MTMR14: variants seen among roughly 807,000 people sequenced by gnomAD.
MTMR14 encodes the protein phosphatidylinositol-3,5-bisphosphate 3-phosphatase MTMR14.
In MTMR14, 48 loss-of-function variants were observed where a neutral mutation model predicts 86.3. The ratio of observed to expected loss-of-function variants is 0.56; its 90% CI spans 0.44 to 0.71. MTMR14 has a LOEUF of 0.71. Ranked by LOEUF, MTMR14 falls within the 30% of genes least tolerant of loss-of-function variation. The pLI, the probability that MTMR14 is intolerant of heterozygous loss-of-function variation, is 0.00. For synonymous variants in MTMR14, 366 were observed against 326.1 expected, an observed-to-expected ratio of 1.12 and a Z score of -1.32; for missense variants, 780 against 834.6, an observed-to-expected ratio of 0.93 and a Z score of 0.81.
chr3:9,689,123 G>T, intron 16 of MTMR14, 41 bp downstream of exon 16: 2 of 1,602,362 alleles, frequency 1.2e-6, no homozygotes, highest in Non-Finnish European at 8.5e-7. Flanking sequence ...CACAGCTGTG[G>T]CCCGGGGCCA....
At chr3:9,697,146 C>G (rs1447950112) in intron 17 of MTMR14, among the ~76,000 whole-genome samples, 1 of 152,206 alleles carries the variant, frequency 6.6e-6, no homozygotes, top group Non-Finnish European at 1.5e-5. Flanking sequence ...ACTATGGCAC[C>G]TGGAAGGCAC....
At position 9,653,760 on chromosome 3, in the gene MTMR14, A is replaced by G; in HGVS notation, c.299A>G (p.Glu100Gly). 6.2e-7 allele frequency: 1 copy of G among 1,614,168 alleles called. No individual in the cohort carries two copies. The highest frequency in any genetic ancestry group is 8.5e-7 in the Non-Finnish European group (1 of 1,180,042). ...VFLEYESSEK[E>G]KDTFESTVQV... ...CTGGAGTATGAGAGTTCTGAGAAGGAGAAAGACACGTGAGCATCATGTGAC... is the reference window on the plus strand; with the variant it reads ...CTGGAGTATGAGAGTTCTGAGAAGGGGAAAGACACGTGAGCATCATGTGAC... The change falls in exon 2 of 19, where the codon GAG becomes GGG. Residue 100 changes from glutamate to glycine, a missense_variant. Transcript: ENST00000296003.
Position 9,701,800 on chromosome 3 carries a change from C to T in MTMR14, c.1780C>T (p.Leu594=), listed in dbSNP as rs1203929126. 6.2e-7 allele frequency: 1 copy of T among 1,613,816 alleles called. No homozygotes were observed. The highest frequency in any genetic ancestry group is 2.2e-5 in the East Asian group (1 of 44,884). Residue 594 remains leucine, a synonymous_variant, in exon 19 of 19, where the codon CTG becomes TTG. Coordinates refer to ENST00000296003, the MANE Select transcript of MTMR14 (RefSeq NM_001077525.3). This position sits in a 1 kb window ranked among gnomAD's most constrained non-coding sequence, Gnocchi z 4.2. The stretch of plus-strand genomic sequence containing the variant: ...TTGACCTCCCCATAGGCTTGCAGCC[C>T]TGAGTGATCGAGAGACTCGGCTGCA... ...ELPNSCLLAA[L]SDRETRLQEV... is the part of the protein sequence containing the mutation.
At chr3:9,699,012 T>G (rs2076369895) in intron 18 of MTMR14, among the ~76,000 whole-genome samples, 1 of 151,728 alleles carries the variant, frequency 6.6e-6, no homozygotes, top group African/African-American at 2.4e-5. Flanking sequence ...CTACTAAAAA[T>G]ACAAAATTAG....
chr3:9,684,804 C>T (rs2075883896), intron 11 of MTMR14, 84 bp from the exon 12 acceptor site: 45 of 1,554,326 alleles, frequency 2.9e-5, no homozygotes, highest in Non-Finnish European at 3.9e-5. Context: ...TGTTCTTCAG[C>T]CTGCGTTGTC....
At chr3:9,662,625 A>G (rs1435466394) in intron 3 of MTMR14, among the ~76,000 whole-genome samples, 1 of 151,934 alleles carries the variant, frequency 6.6e-6, no homozygotes, top group African/African-American at 2.4e-5. Context: ...TCAGATCCTG[A>G]CTCTTATTTC....
At chr3:9,671,777 TAG>T (rs1479266818) in intron 6 of MTMR14, among the ~76,000 whole-genome samples, 15 of 152,146 alleles carry the variant, frequency 9.9e-5, no homozygotes, top group Admixed American at 8.5e-4. Flanking sequence ...AACTAAAAAA[TAG>T]AGCCTGGGTT....
chr3:9,672,728 G>T lies in MTMR14; in HGVS notation c.721G>T (p.Asp241Tyr). 6.2e-7 allele frequency: 1 copy of T among 1,614,144 alleles called. No individual in the cohort carries two copies. Among genetic ancestry groups the T allele is most frequent in the Non-Finnish European group, 8.5e-7 (1 of 1,180,038 alleles). The change falls in exon 7 of 19, where the codon GAC becomes TAC. Residue 241 changes from aspartate to tyrosine, a missense_variant. Physicochemically the swap from Asp to Tyr is radical, Grantham distance 160 (BLOSUM62 -3). Transcript: ENST00000296003. ...GGTGGACAAAGCCCAGCGCTATGCC[G>T]ACTTCACTCTCCTCTCCATCCCGTA... ...EKVDKAQRYA[D>Y]FTLLSIPYPG...
intron 17 of MTMR14, among the ~76,000 whole-genome samples, chr3:9,695,812 A>G (rs762884392): frequency 1.3e-4 from 20 of 152,200 alleles, no homozygotes; most frequent in Non-Finnish European, 2.9e-4. Context: ...AGCTTGAACA[A>G]TAGACGAGAT....
intron 2 of MTMR14, among the ~76,000 whole-genome samples, chr3:9,660,532 A>T (rs1444388031): frequency 2.0e-5 from 3 of 152,180 alleles, no homozygotes; most frequent in Non-Finnish European, 4.4e-5. Context: ...AAGTGCTAGG[A>T]TTACAGGTGT....
chr3:9,652,407 G>A (rs1050118997), intron 1 of MTMR14, among the ~76,000 whole-genome samples: 2 of 152,192 alleles, frequency 1.3e-5, no homozygotes, highest in Non-Finnish European at 2.9e-5. Flanking sequence ...AGACTTTGCA[G>A]CTTTTACTGG....
chr3:9,695,761 T>C (rs1220262790), intron 17 of MTMR14, among the ~76,000 whole-genome samples: 1 of 152,194 alleles, frequency 6.6e-6, no homozygotes, highest in Admixed American at 6.5e-5. Flanking sequence ...TAGCTGTTGT[T>C]TTCCCACAAG....
At position 9,649,520 on chromosome 3, in the gene MTMR14, A is replaced by G. The variant is rs898779315; in HGVS notation, c.-64A>G. ...GCGGTTCCGGAGGTTCTAGTGTCGG[A>G]GTTGGGTGCAGGCAGGTGCCATGGG... On this transcript the variant is annotated 5_prime_UTR_variant, in exon 1 of 19. Coordinates refer to ENST00000296003, the MANE Select transcript of MTMR14 (RefSeq NM_001077525.3). The G allele has an allele frequency of 1.3e-6, 2 of 1,489,508 alleles. No homozygotes were observed. The highest frequency in any genetic ancestry group is 5.0e-5 in the East Asian group (2 of 40,086). 92.3% of individuals were successfully genotyped at this position (1,489,508 alleles called of 1,614,324 possible). A position where few individuals can be genotyped will look rare whatever the true frequency, so the allele number is the denominator to read the frequency against.
At chr3:9,682,814 G>C (rs1232073854) in intron 9 of MTMR14, among the ~76,000 whole-genome samples, 2 of 152,182 alleles carry the variant, frequency 1.3e-5, no homozygotes, top group Non-Finnish European at 2.9e-5. Context: ...ACCTTTACTG[G>C]CTTCCTGGAC....
Position 9,686,792 on chromosome 3 carries a change from G to C in MTMR14, c.1165-1029G>C, listed in dbSNP as rs546600776. Among the ~76,000 whole-genome samples, 6 of 152,360 alleles carry C rather than the reference G, an allele frequency of 3.9e-5. No homozygotes were observed. The East Asian group carries it at 1.2e-3, about 29-fold the overall frequency. ...GCCAAGTAGGGATTTCTCTGAGAGA[G>C]GGGCTCATGGGCCAGGCCTTTGGGA... On this transcript the variant is annotated intron_variant, in intron 13 of 18. Coordinates refer to ENST00000296003, the MANE Select transcript of MTMR14 (RefSeq NM_001077525.3).
intron 5 of MTMR14, among the ~76,000 whole-genome samples, chr3:9,670,836 AC>A (rs1246931038): frequency 6.6e-6 from 1 of 152,230 alleles, no homozygotes; most frequent in Non-Finnish European, 1.5e-5. Flanking sequence ...TCTTTGAAAT[AC>A]ATCCCAGAGA....
chr3:9,697,854 CTAACAGT>C lies in MTMR14; in HGVS notation c.1759_1765del (p.Asn587ValfsTer6), dbSNP rs777738741. 1.8e-5 allele frequency: 29 copies of C among 1,614,050 alleles called. No homozygotes were observed. The East Asian group carries it at 5.8e-4, about 32-fold the overall frequency. ...CCTTTCAGCTTCCCGGATGAGCTCCCTAACAGTTGTCTGTAAGTGTCTTGCTTGAGAA... is the reference window on the plus strand; with the variant it reads ...CCTTTCAGCTTCCCGGATGAGCTCCCTGTCTGTAAGTGTCTTGCTTGAGAA... On this transcript the variant is annotated frameshift_variant, in exon 18 of 19. Transcript: ENST00000296003. LOFTEE classifies it high-confidence loss of function.
intron 2 of MTMR14, among the ~76,000 whole-genome samples, chr3:9,660,191 ACT>A (rs2094820781): frequency 6.6e-6 from 1 of 151,296 alleles, no homozygotes; most frequent in African/African-American, 2.4e-5. Context: ...AAGGCAGCAC[ACT>A]CTGGTTCTCT....
chr3:9,674,034 G>A (rs545160611), intron 7 of MTMR14, among the ~76,000 whole-genome samples: 3 of 152,188 alleles, frequency 2.0e-5, no homozygotes, highest in South Asian at 4.2e-4. Flanking sequence ...TACCTAAGGG[G>A]GTCCACACTG....
Sources: gnomAD v4.1 joint callset for allele counts (sites outside exome capture counted in the v4.1 genomes callset) on GRCh38, gnomAD v4.1.1 for gene constraint, Gnocchi (gnomAD v3.1) non-coding constraint, MANE v1.5 for transcripts, NCBI Gene and HGNC (gene_info 2026-07-23, HGNC 2026-07-21) for gene names.